Variants in MSI2 observed in about 807,000 individuals in gnomAD.
MSI2 encodes the protein RNA-binding protein Musashi homolog 2.
In MSI2, 17 loss-of-function variants were observed where a neutral mutation model predicts 45.6. The observed-to-expected ratio is 0.37, with a 90% CI of 0.26 to 0.56. The LOEUF (loss-of-function observed/expected upper bound fraction) is 0.56, where lower values mean the gene tolerates loss of function less well. MSI2 is among the 20% of genes least tolerant of loss of function. The pLI is 0.77. For missense variants in MSI2, 293 were observed against 444.2 expected, an observed-to-expected ratio of 0.66 and a Z score of 3.06; for synonymous variants, 156 against 158.2, an observed-to-expected ratio of 0.99 and a Z score of 0.11.
intron 5 of MSI2, 105 bp from the exon 6 acceptor site, chr17:57,401,274 T>C (rs1451893205): frequency 3.3e-6 from 3 of 902,732 alleles, no homozygotes; most frequent in African/African-American, 3.3e-5. Context: ...ATATCTAAAA[T>C]TGCCTTCCTA....
chr17:57,639,163 G>T (rs1028692796), intron 10 of MSI2, among the ~76,000 whole-genome samples: 1 of 152,150 alleles, frequency 6.6e-6, no homozygotes, highest in Non-Finnish European at 1.5e-5. Flanking sequence ...TCATCACCTT[G>T]AGAGTGAGGA....
intron 11 of MSI2, among the ~76,000 whole-genome samples, chr17:57,654,552 T>G (rs1266863217): frequency 2.0e-5 from 3 of 152,204 alleles, no homozygotes; most frequent in African/African-American, 7.2e-5. Context: ...CACTTGGGTG[T>G]GTGCATCAGT....
intron 6 of MSI2, among the ~76,000 whole-genome samples, chr17:57,499,083 G>A (rs2086042370): frequency 6.6e-6 from 1 of 151,910 alleles, no homozygotes; most frequent in South Asian, 2.1e-4. Flanking sequence ...TTTTCCTCAA[G>A]CTAAGGGCAA....
At chr17:57,425,467 T>C (rs2084473517) in intron 6 of MSI2, among the ~76,000 whole-genome samples, 1 of 152,218 alleles carries the variant, frequency 6.6e-6, no homozygotes, top group South Asian at 2.1e-4. Flanking sequence ...TACGGTTGTG[T>C]ACACTTTTAT....
chr17:57,258,065 C>T (rs1422070032), intron 3 of MSI2, among the ~76,000 whole-genome samples: 3 of 152,150 alleles, frequency 2.0e-5, no homozygotes, highest in East Asian at 3.9e-4. Flanking sequence ...TCCCTGCCCC[C>T]GTTCCACTTC....
At chr17:57,651,415 A>G (rs575105295) in intron 10 of MSI2, among the ~76,000 whole-genome samples, 99 of 151,922 alleles carry the variant, frequency 6.5e-4, no homozygotes, top group African/African-American at 2.3e-3. Flanking sequence ...ATAAAGCCAC[A>G]GGGCTCACCC....
At chr17:57,632,622 G>T in intron 10 of MSI2, 5 of 1,066,124 alleles carry the variant, frequency 4.7e-6, no homozygotes, top group Non-Finnish European at 5.7e-6. Flanking sequence ...CCCATCTCAA[G>T]GTTGGCACTC....
chr17:57,450,281 A>AAGAG (rs2084982037), intron 6 of MSI2: 1 of 115,496 alleles, frequency 8.7e-6, no homozygotes, highest in African/African-American at 3.4e-5. Context: ...GAAAGAAAGA[A>AAGAG]AGAAAGAAAG....
intron 5 of MSI2, among the ~76,000 whole-genome samples, chr17:57,291,902 C>T (rs1179778013): frequency 6.6e-6 from 1 of 152,102 alleles, no homozygotes; most frequent in Non-Finnish European, 1.5e-5. Flanking sequence ...GCCTCATTCT[C>T]CCCCGCCATT....
chr17:57,307,279 G>C (rs1912001513), intron 5 of MSI2, among the ~76,000 whole-genome samples: 1 of 152,190 alleles, frequency 6.6e-6, no homozygotes, highest in African/African-American at 2.4e-5. Context: ...AAGTAAAGCA[G>C]GTTACTCTCC....
At chr17:57,494,587 C>A (rs181180926) in intron 6 of MSI2, among the ~76,000 whole-genome samples, 1 of 152,196 alleles carries the variant, frequency 6.6e-6, no homozygotes, top group Admixed American at 6.5e-5. Context: ...CATAAAATAA[C>A]CTGCTTTGAG....
intron 6 of MSI2, among the ~76,000 whole-genome samples, chr17:57,466,402 G>A (rs996797067): frequency 6.6e-6 from 1 of 152,198 alleles, no homozygotes. Context: ...ACCTAAAGCT[G>A]TATGGGAGGC....
chr17:57,441,010 C>G (rs1387346847), intron 6 of MSI2, among the ~76,000 whole-genome samples: 1 of 152,216 alleles, frequency 6.6e-6, no homozygotes, highest in Non-Finnish European at 1.5e-5. Flanking sequence ...AACACTGCCC[C>G]CTGCCGCTCT....
At chr17:57,355,818 A>G (rs1916371009) in intron 5 of MSI2, among the ~76,000 whole-genome samples, 1 of 152,224 alleles carries the variant, frequency 6.6e-6, no homozygotes, top group African/African-American at 2.4e-5. Flanking sequence ...AGCTGGGTGC[A>G]TCAACTAAGA....
At chr17:57,406,794 C>G (rs1441141424) in intron 6 of MSI2, 1 of 152,250 alleles carries the variant, frequency 6.6e-6, no homozygotes, top group Non-Finnish European at 1.5e-5. Context: ...AGTTCTGTTT[C>G]ATTAGGCCTA....
chr17:57,515,296 C>T (rs2086447412), intron 6 of MSI2, among the ~76,000 whole-genome samples: 1 of 152,142 alleles, frequency 6.6e-6, no homozygotes, highest in African/African-American at 2.4e-5. Flanking sequence ...CTCCGCCTCC[C>T]GGGTTTAAGC....
intron 6 of MSI2, among the ~76,000 whole-genome samples, chr17:57,402,007 TA>T (rs2084001368): frequency 6.6e-6 from 1 of 151,994 alleles, no homozygotes. Flanking sequence ...GAGACAGCAG[TA>T]AAATTACCCC....
intron 6 of MSI2, among the ~76,000 whole-genome samples, chr17:57,422,337 G>A (rs553399154): frequency 7.7e-4 from 118 of 152,266 alleles, no homozygotes; most frequent in Admixed American, 3.2e-3. Context: ...GCAGGTGCCC[G>A]TAGTCTCAGC....
chr17:57,539,879 A>T (rs978933899), intron 7 of MSI2, among the ~76,000 whole-genome samples: 3 of 152,314 alleles, frequency 2.0e-5, no homozygotes, highest in African/African-American at 7.2e-5. Flanking sequence ...TTTCTACCCC[A>T]AGTTATGACT....
Sources: gnomAD v4.1 joint callset for allele counts (sites outside exome capture counted in the v4.1 genomes callset) on GRCh38, gnomAD v4.1.1 for gene constraint, MANE v1.5 for transcripts, NCBI Gene and HGNC (gene_info 2026-07-23, HGNC 2026-07-21) for gene names.